KAZN: variants seen among roughly 807,000 people sequenced by gnomAD.
KAZN encodes kazrin.
KAZN carries 40 observed loss-of-function variants against 87.4 expected under a neutral mutation model. The observed-to-expected ratio is 0.46, with a 90% confidence interval of 0.36 to 0.60. The LOEUF (loss-of-function observed/expected upper bound fraction) is 0.60, where lower values mean the gene tolerates loss of function less well. Among genes scored for constraint, KAZN ranks in the 20% least tolerant of loss-of-function variants. KAZN has a pLI of 0.00. For synonymous variants in KAZN, 466 were observed against 458.3 expected (o/e 1.02, Z -0.22); for missense variants, 898 against 1,073.9 (o/e 0.84, Z 2.29).
intron 1 of KAZN, among the ~76,000 whole-genome samples, chr1:13,952,086 T>A (rs10803437): frequency 0.086 from 13,081 of 152,154 alleles, 675 homozygotes; most frequent in Middle Eastern, 0.16. Flanking sequence ...TGTTGCATAA[T>A]CTCCTTTCTT....
chr1:14,852,933 C>T (rs1649636026), intron 1 of KAZN, among the ~76,000 whole-genome samples: 1 of 152,188 alleles, frequency 6.6e-6, no homozygotes, highest in South Asian at 2.1e-4. Flanking sequence ...TAACCAGATC[C>T]TCAGGTGATT....
chr1:15,051,085 G>A (rs1674353905), intron 4 of KAZN, among the ~76,000 whole-genome samples: 1 of 152,258 alleles, frequency 6.6e-6, no homozygotes. Flanking sequence ...ATCCGCACAG[G>A]AGCACCAGCC....
At chr1:14,644,487 G>C (rs989744700) in intron 1 of KAZN, among the ~76,000 whole-genome samples, 2 of 150,980 alleles carry the variant, frequency 1.3e-5, no homozygotes, top group Non-Finnish European at 2.9e-5. Context: ...TCAGCCTCCC[G>C]AGTAGCTGGG....
At chr1:14,612,960 T>C (rs1224173914) in intron 1 of KAZN, among the ~76,000 whole-genome samples, 1 of 152,184 alleles carries the variant, frequency 6.6e-6, no homozygotes, top group Non-Finnish European at 1.5e-5. Context: ...GACTTACTAA[T>C]AAAACCACTT....
intron 2 of KAZN, among the ~76,000 whole-genome samples, chr1:14,203,352 T>C (rs903426762): frequency 1.3e-5 from 2 of 152,136 alleles, no homozygotes; most frequent in East Asian, 3.9e-4. Context: ...CGTAAGCCCT[T>C]TTCCTCTCCC....
chr1:14,567,668 G>A (rs1200741193), intron 2 of KAZN, among the ~76,000 whole-genome samples: 1 of 152,164 alleles, frequency 6.6e-6, no homozygotes, highest in East Asian at 1.9e-4. Flanking sequence ...GTTTAGTACT[G>A]TAATTATCAA....
chr1:14,713,797 A>AAAAGAAAGAAAGAAAG (rs1553215136), intron 1 of KAZN, among the ~76,000 whole-genome samples: 3 of 95,678 alleles, frequency 3.1e-5, no homozygotes, highest in African/African-American at 4.2e-5. Flanking sequence ...AAAAAAAAAA[A>AAAAGAAAGAAAGAAAG]AAAGAAAGAA....
At chr1:14,691,736 C>T (rs1395817149) in intron 1 of KAZN, among the ~76,000 whole-genome samples, 1 of 152,156 alleles carries the variant, frequency 6.6e-6, no homozygotes, top group Non-Finnish European at 1.5e-5. Context: ...ATCTGCCCGC[C>T]TCAGCCTCCC....
chr1:14,983,249 T>C (rs546986303), intron 2 of KAZN, among the ~76,000 whole-genome samples: 25 of 152,120 alleles, frequency 1.6e-4, no homozygotes, highest in African/African-American at 2.4e-4. Flanking sequence ...ACCCCCTACC[T>C]CCACCCCGGC....
intron 2 of KAZN, among the ~76,000 whole-genome samples, chr1:14,260,772 C>T (rs1650949837): frequency 6.6e-6 from 1 of 152,190 alleles, no homozygotes; most frequent in South Asian, 2.1e-4. Context: ...GCTAATTTAA[C>T]CCTCACCACA....
At chr1:13,964,204 A>G (rs983261712) in intron 1 of KAZN, among the ~76,000 whole-genome samples, 6 of 152,218 alleles carry the variant, frequency 3.9e-5, no homozygotes, top group Admixed American at 2.6e-4. Context: ...CCTGGAGGAG[A>G]TACTATAGTT....
At chr1:14,971,822 C>T (rs2101841571) in intron 2 of KAZN, among the ~76,000 whole-genome samples, 1 of 151,990 alleles carries the variant, frequency 6.6e-6, no homozygotes, top group South Asian at 2.1e-4. Context: ...TCTCCGTCTT[C>T]GCTCTGAAAA....
chr1:14,449,594 G>C (rs1322442863), intron 2 of KAZN, among the ~76,000 whole-genome samples: 1 of 152,226 alleles, frequency 6.6e-6, no homozygotes, highest in Non-Finnish European at 1.5e-5. Flanking sequence ...GGAGAGAGTA[G>C]TATAAAGCTT....
intron 1 of KAZN, among the ~76,000 whole-genome samples, chr1:14,043,956 G>A (rs1175322209): frequency 6.6e-6 from 1 of 152,128 alleles, no homozygotes; most frequent in Non-Finnish European, 1.5e-5. Flanking sequence ...AGTTCTGTGG[G>A]TTGACTGGGC....
chr1:14,418,495 G>A (rs528093415), intron 2 of KAZN, among the ~76,000 whole-genome samples: 1 of 152,104 alleles, frequency 6.6e-6, no homozygotes, highest in Non-Finnish European at 1.5e-5. Flanking sequence ...GTAAGTTTTC[G>A]GGTGGGAAGT....
At chr1:14,724,203 C>G (rs1203158177) in intron 1 of KAZN, among the ~76,000 whole-genome samples, 2 of 151,922 alleles carry the variant, frequency 1.3e-5, no homozygotes, top group Non-Finnish European at 2.9e-5. Flanking sequence ...ATCCCCCAAC[C>G]AATTTTTTGA....
chr1:14,966,126 C>T (rs180796107), intron 2 of KAZN, among the ~76,000 whole-genome samples: 25 of 151,676 alleles, frequency 1.6e-4, no homozygotes, highest in African/African-American at 5.3e-4. Context: ...ATTACAGGCA[C>T]GCGCCACCAT....
At chr1:13,982,267 G>A (rs1638761301) in intron 1 of KAZN, among the ~76,000 whole-genome samples, 1 of 152,156 alleles carries the variant, frequency 6.6e-6, no homozygotes, top group African/African-American at 2.4e-5. Context: ...TGGGTTCTTG[G>A]TCTCACTGAC....
chr1:14,072,376 G>A (rs1643281421), intron 1 of KAZN, among the ~76,000 whole-genome samples: 1 of 152,092 alleles, frequency 6.6e-6, no homozygotes, highest in Non-Finnish European at 1.5e-5. Context: ...CCCAGCTGTG[G>A]TGCTCCTCCA....
Sources: gnomAD v4.1 joint callset for allele counts (sites outside exome capture counted in the v4.1 genomes callset) on GRCh38, gnomAD v4.1.1 for gene constraint, MANE v1.5 for transcripts, NCBI Gene and HGNC (gene_info 2026-07-23, HGNC 2026-07-21) for gene names.